B3GAT2: variants seen among roughly 807,000 people sequenced by gnomAD.
B3GAT2 encodes the protein galactosylgalactosylxylosylprotein 3-beta-glucuronosyltransferase 2.
A neutral mutation model predicts 27.8 loss-of-function variants in B3GAT2; 26 were observed. That is an observed-to-expected ratio of 0.93 (90% CI 0.68 to 1.30). The LOEUF is 1.30. Ranked by LOEUF, B3GAT2 falls within the 50% of genes most tolerant of loss-of-function variation. The probability of loss-of-function intolerance (pLI) is 0.00; values close to 1 mark genes in which losing one functional copy is unlikely to be tolerated. For missense variants in B3GAT2, 458 were observed against 459.0 expected (o/e 1.00, Z 0.02); for synonymous variants, 218 against 195.1 (o/e 1.12, Z -0.98).
In B3GAT2 at chr6:70,956,094, G is replaced by C. The variant is rs766309638; in HGVS notation, c.336C>G (p.His112Gln). The C allele has an allele frequency of 6.2e-7, 1 of 1,600,284 alleles. No homozygotes were observed. The highest frequency in any genetic ancestry group is 8.5e-7 in the Non-Finnish European group (1 of 1,175,298). The change falls in exon 1 of 4, where the codon CAC (histidine) becomes CAG (glutamine). Residue 112 changes from histidine (H) to glutamine (Q), a missense_variant. Transcript: ENST00000230053. Reference sequence around the variant, plus strand: ...CCGCCGCGTCCTCCACCAGGATCCAGTGCAGCTGCGCCACCTGGCGGAACG... The same window carrying C: ...CCGCCGCGTCCTCCACCAGGATCCACTGCAGCTGCGCCACCTGGCGGAACG... ...ANTFRQVAQL[H>Q]WILVEDAAAR...
chr6:70,863,073 C>A (rs1771789965), intron 2 of B3GAT2, among the ~76,000 whole-genome samples: 1 of 152,194 alleles, frequency 6.6e-6, no homozygotes, highest in African/African-American at 2.4e-5. Flanking sequence ...GCCATCTCAG[C>A]AAGTAATAAT....
At chr6:70,905,363 T>C (rs1413797299) in intron 1 of B3GAT2, among the ~76,000 whole-genome samples, 3 of 152,228 alleles carry the variant, frequency 2.0e-5, no homozygotes, top group Non-Finnish European at 2.9e-5. Flanking sequence ...TAGATCTGTA[T>C]ACTTCAGTAA....
At chr6:70,878,658 T>C (rs1772052139) in intron 2 of B3GAT2, among the ~76,000 whole-genome samples, 1 of 152,094 alleles carries the variant, frequency 6.6e-6, no homozygotes, top group South Asian at 2.1e-4. Context: ...GTGCATTACA[T>C]ACTTTTTTTT....
chr6:70,857,027 C>CCTGGTAATGAATT lies in B3GAT2; in HGVS notation c.*4623_*4635dup. 6.3e-7 allele frequency: 1 copy of CCTGGTAATGAATT among 1,598,568 alleles called. No individual in the cohort carries two copies. The highest frequency in any genetic ancestry group is 8.5e-7 in the Non-Finnish European group (1 of 1,172,194). On this transcript the variant is annotated 3_prime_UTR_variant, in exon 4 of 4. Coordinates refer to ENST00000230053, the MANE Select transcript of B3GAT2 (RefSeq NM_080742.3). ...AGGAACCATTCAACAGCAAAGTACT[C>CCTGGTAATGAATT]CTGGTAATGAATTTTGATATCTGCT...
rs1265938286 is a variant in B3GAT2, at chr6:70,949,507, C to A, written c.591+6332G>T. Among the ~76,000 whole-genome samples the A allele has an allele frequency of 2.0e-5, 3 of 148,230 alleles. No homozygotes were observed. The East Asian group carries it at 6.0e-4, about 29-fold the overall frequency. ...TGCAAATCAAAACCACAATGAGATACCATCTCACACCAGTTAGAATGGCAA... is the reference window on the plus strand; with the variant it reads ...TGCAAATCAAAACCACAATGAGATAACATCTCACACCAGTTAGAATGGCAA... On this transcript the variant is annotated intron_variant, in intron 1 of 3. Coordinates refer to ENST00000230053, the MANE Select transcript of B3GAT2 (RefSeq NM_080742.3).
intron 1 of B3GAT2, among the ~76,000 whole-genome samples, chr6:70,895,601 G>A (rs1293847446): frequency 1.4e-5 from 2 of 140,268 alleles, no homozygotes; most frequent in Non-Finnish European, 3.0e-5. Context: ...TGCCTCCCGG[G>A]TTCAAGTAAT....
chr6:70,926,217 G>A (rs117562195), intron 1 of B3GAT2, among the ~76,000 whole-genome samples: 1,902 of 152,266 alleles, frequency 0.012, 15 homozygotes, highest in Non-Finnish European at 0.02. Flanking sequence ...ACAAAGATGC[G>A]GAGAAAACAG....
In B3GAT2 at chr6:70,861,466, T is replaced by G; in HGVS notation, c.*197A>C. ...ATGCAGAACAAATGAAGACAAAACA[T>G]ACATTTTGTACCAACCATCCAATTA... is the stretch of plus-strand genomic sequence containing the variant. On this transcript the variant is annotated 3_prime_UTR_variant, in exon 4 of 4. Transcript: ENST00000230053. The G allele has an allele frequency of 1.7e-6, 1 of 575,138 alleles. No individual in the cohort carries two copies. The highest frequency in any genetic ancestry group is 2.4e-5 in the South Asian group (1 of 42,300). The allele number at this position is 575,138 out of a possible 1,614,324, so 35.6% of individuals were successfully genotyped here. A position where few individuals can be genotyped will look rare whatever the true frequency, so the allele number is the denominator to read the frequency against.
intron 1 of B3GAT2, among the ~76,000 whole-genome samples, chr6:70,908,699 CTAAGGA>C (rs1264665439): frequency 6.6e-6 from 1 of 151,900 alleles, no homozygotes; most frequent in Non-Finnish European, 1.5e-5. Flanking sequence ...GAATAGATGA[CTAAGGA>C]TAAGGATAAA....
intron 1 of B3GAT2, among the ~76,000 whole-genome samples, chr6:70,934,616 A>G (rs1773112918): frequency 6.6e-6 from 1 of 152,230 alleles, no homozygotes; most frequent in African/African-American, 2.4e-5. Flanking sequence ...AATATCATTA[A>G]TAAATCATTA....
At chr6:70,918,520 T>C (rs766162688) in intron 1 of B3GAT2, among the ~76,000 whole-genome samples, 16 of 152,174 alleles carry the variant, frequency 1.1e-4, no homozygotes, top group Non-Finnish European at 2.1e-4. Context: ...CATGTTTTTG[T>C]AGTGGCTGGT....
At chr6:70,954,909 G>GGGC (rs1221271365) in intron 1 of B3GAT2, among the ~76,000 whole-genome samples, 2 of 145,256 alleles carry the variant, frequency 1.4e-5, no homozygotes, top group Non-Finnish European at 3.0e-5. Context: ...TGCCTGCCGG[G>GGGC]GGCGGCGGGG....
chr6:70,898,901 T>G (rs1032172482), intron 1 of B3GAT2, among the ~76,000 whole-genome samples: 1 of 151,906 alleles, frequency 6.6e-6, no homozygotes, highest in African/African-American at 2.4e-5. Flanking sequence ...AAGTAGAGGT[T>G]GCAGTGAGAT....
At chr6:70,919,618 T>C (rs1485058106) in intron 1 of B3GAT2, among the ~76,000 whole-genome samples, 3 of 151,270 alleles carry the variant, frequency 2.0e-5, no homozygotes, top group African/African-American at 4.8e-5. Context: ...GTTGATGCTA[T>C]TCCTCTTTGT....
At position 70,911,888 on chromosome 6, in the gene B3GAT2, T is replaced by C. The variant is rs191917689; in HGVS notation, c.592-17616A>G. ...CTCTCTGGTTAGCTGTATGCGTAGG[T>C]ATTTTATTTTTTGTGTGGCTATTAT... On this transcript the variant is annotated intron_variant, in intron 1 of 3. Coordinates refer to ENST00000230053, the MANE Select transcript of B3GAT2 (RefSeq NM_080742.3). Among the ~76,000 whole-genome samples, 772 of 152,276 alleles carry C rather than the reference T, an allele frequency of 5.1e-3. 9 individuals carry two copies. Among genetic ancestry groups the C allele is most frequent in the African/African-American group, 0.017 (726 of 41,564 alleles).
chr6:70,899,362 T>C (rs1772453260), intron 1 of B3GAT2, among the ~76,000 whole-genome samples: 1 of 152,220 alleles, frequency 6.6e-6, no homozygotes, highest in Non-Finnish European at 1.5e-5. Context: ...AGCAAAACTT[T>C]GCATGCATTC....
At chr6:70,943,045 G>A (rs985792048) in intron 1 of B3GAT2, among the ~76,000 whole-genome samples, 8 of 152,086 alleles carry the variant, frequency 5.3e-5, no homozygotes, top group Non-Finnish European at 1.0e-4. Flanking sequence ...TGGAGGAGAC[G>A]GATTTTAAAA....
chr6:70,912,356 A>AATAGATGT (rs1373427954), intron 1 of B3GAT2, among the ~76,000 whole-genome samples: 1 of 152,074 alleles, frequency 6.6e-6, no homozygotes, highest in Non-Finnish European at 1.5e-5. Context: ...TTTTGCATTC[A>AATAGATGT]ATAGATGTAT....
chr6:70,872,067 T>C (rs1771947181), intron 2 of B3GAT2, among the ~76,000 whole-genome samples: 1 of 152,018 alleles, frequency 6.6e-6, no homozygotes, highest in South Asian at 2.1e-4. Flanking sequence ...CCATACTTTG[T>C]GTAATTTTAG....
Sources: gnomAD v4.1 joint callset for allele counts (sites outside exome capture counted in the v4.1 genomes callset) on GRCh38, gnomAD v4.1.1 for gene constraint, MANE v1.5 for transcripts, NCBI Gene and HGNC (gene_info 2026-07-23, HGNC 2026-07-21) for gene names.